The following GMEB1 variants were observed in gnomAD, a reference collection of about 807,000 sequenced individuals.
GMEB1 encodes glucocorticoid modulatory element-binding protein 1.
Under a neutral mutation model 52.4 loss-of-function variants are expected in GMEB1, and 6 were observed. The observed-to-expected ratio is 0.11, with a 90% confidence interval of 0.06 to 0.23. The LOEUF (loss-of-function observed/expected upper bound fraction) is 0.23, where lower values mean the gene tolerates loss of function less well. Ranked by LOEUF, GMEB1 falls within the 10% of genes least tolerant of loss-of-function variation. The pLI is 1.00. For synonymous variants in GMEB1, 255 were observed against 244.9 expected (o/e 1.04, Z -0.38); for missense variants, 486 against 685.6 (o/e 0.71, Z 3.25).
chr1:28,692,264 G>T (rs1443661928), intron 4 of GMEB1, among the ~76,000 whole-genome samples: 1 of 151,998 alleles, frequency 6.6e-6, no homozygotes, highest in Non-Finnish European at 1.5e-5. Context: ...GGGTGAGGTG[G>T]CTCATGCCTG....
chr1:28,695,066 G>A (rs554009216), intron 5 of GMEB1, among the ~76,000 whole-genome samples: 3 of 149,734 alleles, frequency 2.0e-5, no homozygotes, highest in Non-Finnish European at 4.4e-5. Context: ...CTGGGTTCAA[G>A]TGATTCTCAT....
At chr1:28,674,647 G>A (rs1211865851) in intron 1 of GMEB1, among the ~76,000 whole-genome samples, 1 of 150,974 alleles carries the variant, frequency 6.6e-6, no homozygotes, top group Non-Finnish European at 1.5e-5. Flanking sequence ...TGACTGCCTG[G>A]TCCTCCCAAA....
chr1:28,718,795 T>C lies in GMEB1; in HGVS notation c.*4022T>C, dbSNP rs1006985891. ...TAAGTGCTGTGTGTGATAGGGCTAT[T>C]GGCTAGGAGCTGAGAGAACAAAGCA... On this transcript the variant is annotated 3_prime_UTR_variant, in exon 10 of 10. Coordinates refer to ENST00000373816, the MANE Select transcript of GMEB1 (RefSeq NM_001319674.2). The C allele has an allele frequency of 6.6e-5, 10 of 152,166 alleles. No individual in the cohort carries two copies. Among genetic ancestry groups the C allele is most frequent in the African/African-American group, 1.9e-4 (8 of 41,446 alleles). 9.4% of individuals were successfully genotyped at this position (152,166 alleles called of 1,614,324 possible).
intron 2 of GMEB1, 33 bp from the exon 3 acceptor site, chr1:28,690,071 T>A: frequency 6.7e-7 from 1 of 1,482,378 alleles, no homozygotes; most frequent in Non-Finnish European, 9.3e-7. Context: ...ATGATTTATG[T>A]AGTTTGTTTA....
chr1:28,714,890 A>T lies in GMEB1; in HGVS notation c.*117A>T, dbSNP rs1671222623. ...CCCTTTTTTAAAAAAAAAAAAACAAAATCTTATTGTTGTAACTGAAAATGT... is the reference window on the plus strand; with the variant it reads ...CCCTTTTTTAAAAAAAAAAAAACAATATCTTATTGTTGTAACTGAAAATGT... On this transcript the variant is annotated 3_prime_UTR_variant, in exon 10 of 10. Transcript: ENST00000373816. 2.7e-6 allele frequency: 2 copies of T among 748,520 alleles called. No homozygotes were observed. Among genetic ancestry groups the T allele is most frequent in the African/African-American group, 1.8e-5 (1 of 56,572 alleles). The allele number at this position is 748,520 out of a possible 1,614,324, so 46.4% of individuals were successfully genotyped here. A position where few individuals can be genotyped will look rare whatever the true frequency, so the allele number is the denominator to read the frequency against.
intron 1 of GMEB1, 29 bp from the exon 2 acceptor site, chr1:28,683,554 A>G (rs914422230): frequency 8.4e-6 from 13 of 1,541,086 alleles, no homozygotes; most frequent in Admixed American, 2.0e-5. Flanking sequence ...AAACCAGATT[A>G]AGTTATTGGT....
At position 28,677,842 on chromosome 1, in the gene GMEB1, T is replaced by C. The variant is rs12407805; in HGVS notation, c.-30-5741T>C. ...TTCATTGATTTTTATTTTATCTTAT[T>C]TTATTTTATTTTGGTTTTAAGGAGT... is the stretch of plus-strand genomic sequence containing the variant. On this transcript the variant is annotated intron_variant, in intron 1 of 9. Coordinates refer to ENST00000373816, the MANE Select transcript of GMEB1 (RefSeq NM_001319674.2). Among the ~76,000 whole-genome samples the C allele has an allele frequency of 4.8e-3, 731 of 152,194 alleles. 5 individuals are homozygous for C. Among genetic ancestry groups the C allele is most frequent in the Admixed American group, 0.02 (308 of 15,244 alleles).
intron 8 of GMEB1, among the ~76,000 whole-genome samples, chr1:28,707,594 C>T (rs1340509173): frequency 6.6e-6 from 1 of 152,112 alleles, no homozygotes; most frequent in African/African-American, 2.4e-5. Flanking sequence ...TTGGCCTGAG[C>T]TGTGAGTGGT....
rs536317062 is a variant in GMEB1 at position 28,678,299 on chromosome 1, TTTTGTTTG to T, written c.-30-5264_-30-5257del. Among the ~76,000 whole-genome samples the T allele has an allele frequency of 4.5e-3, 681 of 151,446 alleles. 7 individuals are homozygous for T. Among genetic ancestry groups the T allele is most frequent in the African/African-American group, 0.016 (649 of 40,944 alleles). On this transcript the variant is annotated intron_variant, in intron 1 of 9. Transcript: ENST00000373816. Reference sequence around the variant, plus strand: ...GACCCTTGATTTTCTTTTCTAGTGTTTTTGTTTGTTTGTTTGTTTGTTTGTTTTTTGAG... The same window carrying T: ...GACCCTTGATTTTCTTTTCTAGTGTTTTTGTTTGTTTGTTTGTTTTTTGAG...
intron 9 of GMEB1, among the ~76,000 whole-genome samples, chr1:28,712,764 G>T (rs1671117286): frequency 6.6e-6 from 1 of 151,888 alleles, no homozygotes; most frequent in South Asian, 2.1e-4. Flanking sequence ...TTGAACCTGG[G>T]AGGCGGAGGT....
intron 8 of GMEB1, among the ~76,000 whole-genome samples, chr1:28,709,737 C>T (rs151116371): frequency 8.0e-4 from 122 of 152,168 alleles, no homozygotes; most frequent in African/African-American, 2.6e-3. Context: ...GCCACCACAC[C>T]GAGCTAATTT....
chr1:28,690,081 A>T (rs1334711489), intron 2 of GMEB1, 23 bp from the exon 3 acceptor site: 1 of 1,561,490 alleles, frequency 6.4e-7, no homozygotes, highest in East Asian at 2.3e-5. Flanking sequence ...TAGTTTGTTT[A>T]TCGATGGACA....
At chr1:28,699,533 A>G (rs879877530) in intron 6 of GMEB1, among the ~76,000 whole-genome samples, 22 of 151,974 alleles carry the variant, frequency 1.4e-4, no homozygotes, top group Middle Eastern at 3.4e-3. Context: ...GGGTTCAAGC[A>G]ATTCTCCTGC....
At chr1:28,701,184 C>G (rs2124551713) in intron 6 of GMEB1, among the ~76,000 whole-genome samples, 1 of 151,852 alleles carries the variant, frequency 6.6e-6, no homozygotes, top group Non-Finnish European at 1.5e-5. Context: ...TGATTGATAT[C>G]CTCCAGTGTG....
At chr1:28,710,282 G>A (rs184329368) in intron 8 of GMEB1, among the ~76,000 whole-genome samples, 249 of 152,296 alleles carry the variant, frequency 1.6e-3, no homozygotes, top group Middle Eastern at 6.8e-3. Flanking sequence ...TGGGATTACA[G>A]GCATGTGCCA....
intron 2 of GMEB1, among the ~76,000 whole-genome samples, chr1:28,686,024 C>T (rs1669625514): frequency 1.3e-5 from 2 of 152,086 alleles, no homozygotes; most frequent in Admixed American, 6.6e-5. Context: ...TACTTGCCAC[C>T]GTTAAGTGCA....
chr1:28,712,827 C>T (rs1275736133), intron 9 of GMEB1, among the ~76,000 whole-genome samples: 1 of 148,908 alleles, frequency 6.7e-6, no homozygotes, highest in African/African-American at 2.5e-5. Flanking sequence ...TAGAGCGAGA[C>T]TCTGTCTCAA....
chr1:28,701,760 A>G (rs1374779593), intron 6 of GMEB1, among the ~76,000 whole-genome samples: 1 of 151,098 alleles, frequency 6.6e-6, no homozygotes, highest in African/African-American at 2.4e-5. Flanking sequence ...GGGTTTTGCT[A>G]TGTTGCCCAG....
chr1:28,714,466 C>T lies in GMEB1; in HGVS notation c.1385C>T (p.Ala462Val), dbSNP rs772052369. 3.1e-6 allele frequency: 5 copies of T among 1,614,212 alleles called. No homozygotes were observed. Among genetic ancestry groups the T allele is most frequent in the Non-Finnish European group, 4.2e-6 (5 of 1,180,046 alleles). The change falls in exon 10 of 10, where the codon GCG (alanine) becomes GTG (valine). Residue 462 changes from alanine to valine, a missense_variant. By Grantham distance (64) the Ala-to-Val change is moderately conservative. Transcript: ENST00000373816. ...TVTIHPSSSL[A>V]LLSSTAMQDG... ...ACCATCCACCCTTCATCTAGCTTGG[C>T]GCTGCTGAGCTCTACTGCCATGCAG...
Sources: gnomAD v4.1 joint callset for allele counts (sites outside exome capture counted in the v4.1 genomes callset) on GRCh38, gnomAD v4.1.1 for gene constraint, MANE v1.5 for transcripts, NCBI Gene and HGNC (gene_info 2026-07-23, HGNC 2026-07-21) for gene names.